Variants in KIF13A observed in about 807,000 individuals in gnomAD.
KIF13A encodes kinesin family member 13A.
KIF13A carries 79 observed loss-of-function variants against 212.2 expected under a neutral mutation model. The ratio of observed to expected loss-of-function variants is 0.37; its 90% CI spans 0.31 to 0.45. The LOEUF is 0.45. Among genes scored for constraint, KIF13A ranks in the 20% least tolerant of loss-of-function variants. The pLI, the probability that KIF13A is intolerant of heterozygous loss-of-function variation, is 1.00. For missense variants in KIF13A, 1,901 were observed against 2,209.0 expected (o/e 0.86, Z 2.79); for synonymous variants, 789 against 808.6 (o/e 0.98, Z 0.41).
chr6:17,957,195 C>T (rs1050294050), intron 2 of KIF13A, among the ~76,000 whole-genome samples: 11 of 152,030 alleles, frequency 7.2e-5, no homozygotes, highest in Admixed American at 5.9e-4. Flanking sequence ...CTTTTTTATG[C>T]CATCCATATT....
chr6:17,863,874 C>T (rs1481911025), intron 4 of KIF13A, among the ~76,000 whole-genome samples: 4 of 152,082 alleles, frequency 2.6e-5, no homozygotes, highest in Non-Finnish European at 5.9e-5. Context: ...TAGGAAAAGA[C>T]GACTTGCCAA....
At chr6:17,761,690 C>G (rs546166827), downstream of KIF13A, among the ~76,000 whole-genome samples, 1 of 150,382 alleles carries the variant, frequency 6.6e-6, no homozygotes, top group South Asian at 2.1e-4. Flanking sequence ...GCTAAAAACT[C>G]TTTAAAGGAG....
intron 2 of KIF13A, among the ~76,000 whole-genome samples, chr6:17,929,245 G>A (rs1359691985): frequency 1.3e-5 from 2 of 151,834 alleles, no homozygotes; most frequent in South Asian, 2.1e-4. Context: ...GGTGGGGGGC[G>A]CATGGGGAGG....
At position 17,987,481 on chromosome 6, in the gene KIF13A, G is replaced by C; in HGVS notation, c.-18C>G. ...TCCGACATGTTGGCTGCGCTCGCCC[G>C]GCCGCTCGCCGCGCCCGCTCGGCCT... is the stretch of plus-strand genomic sequence containing the variant. On this transcript the variant is annotated 5_prime_UTR_variant, in exon 1 of 39. Coordinates refer to ENST00000259711, the MANE Select transcript of KIF13A (RefSeq NM_022113.6). The surrounding 1 kb of genome is among the most constrained non-coding windows in gnomAD (Gnocchi z 7.7). 2 of 1,248,024 alleles carry C rather than the reference G, an allele frequency of 1.6e-6. No homozygotes were observed. The highest frequency in any genetic ancestry group is 2.1e-6 in the Non-Finnish European group (2 of 956,268). 77.3% of individuals were successfully genotyped at this position (1,248,024 alleles called of 1,614,324 possible). A position where few individuals can be genotyped will look rare whatever the true frequency, so the allele number is the denominator to read the frequency against.
chr6:17,968,604 T>G lies in KIF13A; in HGVS notation c.146+18450A>C, dbSNP rs1424702710. On this transcript the variant is annotated intron_variant, in intron 2 of 38. Transcript: ENST00000259711. The surrounding 1 kb of genome is among the most constrained non-coding windows in gnomAD (Gnocchi z 4.7). ...CTGCAGCTAATGCTGCTCCATAGGT[T>G]GTGCAGTGAACATTAAAAATGTGAA... Among the ~76,000 whole-genome samples, 1 of 152,194 alleles carries G rather than the reference T, an allele frequency of 6.6e-6. No individual in the cohort carries two copies.
chr6:17,759,271 T>A (rs1301728876), downstream of KIF13A: 3 of 152,132 alleles, frequency 2.0e-5, no homozygotes, highest in African/African-American at 7.2e-5. Context: ...ACACAGTTTG[T>A]ATTCTAAAAC....
In KIF13A at chr6:17,832,592, T is replaced by A. The variant is rs1315809538; in HGVS notation, c.1267-1357A>T. Among the ~76,000 whole-genome samples, 3 of 151,648 alleles carry A rather than the reference T, an allele frequency of 2.0e-5. No individual in the cohort carries two copies. The East Asian group carries it at 5.8e-4, about 29-fold the overall frequency. On this transcript the variant is annotated intron_variant, in intron 12 of 38. Coordinates refer to ENST00000259711, the MANE Select transcript of KIF13A (RefSeq NM_022113.6). ...GGCGGAGGTTGCAGTGAGCCAAGAT[T>A]GCGCCACTGCATTCCAGCCTGGGTG...
At position 17,789,747 on chromosome 6, in the gene KIF13A, C is replaced by A; in HGVS notation, c.3261+125G>T. On this transcript the variant is annotated intron_variant, in intron 26 of 38. Transcript: ENST00000259711. This position sits in a 1 kb window ranked among gnomAD's most constrained non-coding sequence, Gnocchi z 4.8. ...GAATACATATAAAGCAAATCAAAAGCAAGTGAAAAACTGCATATTCTCGCT... is the reference window on the plus strand; with the variant it reads ...GAATACATATAAAGCAAATCAAAAGAAAGTGAAAAACTGCATATTCTCGCT... 1.5e-6 allele frequency: 1 copy of A among 672,002 alleles called. No homozygotes were observed. Among genetic ancestry groups the A allele is most frequent in the Non-Finnish European group, 2.6e-6 (1 of 390,540 alleles). The allele number at this position is 672,002 out of a possible 1,614,324, so 41.6% of individuals were successfully genotyped here.
At chr6:17,955,753 C>T (rs1413546362) in intron 2 of KIF13A, among the ~76,000 whole-genome samples, 1 of 152,136 alleles carries the variant, frequency 6.6e-6, no homozygotes, top group Admixed American at 6.5e-5. Flanking sequence ...TCTGTGACTC[C>T]TTTCAGAGTC....
intron 9 of KIF13A, among the ~76,000 whole-genome samples, chr6:17,841,886 G>C (rs1006466236): frequency 4.6e-5 from 7 of 151,980 alleles, no homozygotes; most frequent in Non-Finnish European, 1.0e-4. Context: ...AAACCTGTTA[G>C]AAAGTTCAAC....
rs945370369 is a variant in KIF13A at position 17,947,579 on chromosome 6, A to C, written c.146+39475T>G. 2.6e-5 allele frequency among the ~76,000 whole-genome samples: 4 copies of C among 152,200 alleles called. No individual in the cohort carries two copies. Among genetic ancestry groups the C allele is most frequent in the African/African-American group, 9.7e-5 (4 of 41,448 alleles). On this transcript the variant is annotated intron_variant, in intron 2 of 38. Transcript: ENST00000259711. The surrounding 1 kb of genome is among the most constrained non-coding windows in gnomAD (Gnocchi z 4.6). ...CGTGGTAGCTCACGCCTGTAATCCCAGCACTTTGGGAGGCCGAGGTGGGTG... is the reference window on the plus strand; with the variant it reads ...CGTGGTAGCTCACGCCTGTAATCCCCGCACTTTGGGAGGCCGAGGTGGGTG...
In KIF13A at chr6:17,982,123, T is replaced by C. The variant is rs1387694390; in HGVS notation, c.146+4931A>G. 1.3e-5 allele frequency among the ~76,000 whole-genome samples: 2 copies of C among 152,086 alleles called. No individual in the cohort carries two copies. The highest frequency in any genetic ancestry group is 3.9e-4 in the East Asian group (2 of 5,190). ...TTCTTTTTTTTTTTTGAGACAGAGT[T>C]TCACTCTTGTTGCTCAGGCTAGAGT... On this transcript the variant is annotated intron_variant, in intron 2 of 38. Transcript: ENST00000259711. This position sits in a 1 kb window ranked among gnomAD's most constrained non-coding sequence, Gnocchi z 5.1.
intron 35 of KIF13A, among the ~76,000 whole-genome samples, chr6:17,774,711 T>A (rs1419356400): frequency 6.6e-6 from 1 of 151,332 alleles, no homozygotes; most frequent in Non-Finnish European, 1.5e-5. Context: ...AGGTGGAGGT[T>A]GCAGTGAGCC....
chr6:17,773,287 T>A lies in KIF13A; in HGVS notation c.4324+191A>T, dbSNP rs1251932292. On this transcript the variant is annotated intron_variant, in intron 36 of 38. Coordinates refer to ENST00000259711, the MANE Select transcript of KIF13A (RefSeq NM_022113.6). The surrounding 1 kb of genome is among the most constrained non-coding windows in gnomAD (Gnocchi z 4.2). ...AAAGTCTATGATTATTTGGGTGATA[T>A]GTTGGATACAAAACAAAAATAAATC... Among the ~76,000 whole-genome samples, 2 of 152,238 alleles carry A rather than the reference T, an allele frequency of 1.3e-5. No individual in the cohort carries two copies. The highest frequency in any genetic ancestry group is 1.3e-4 in the Admixed American group (2 of 15,286).
intron 6 of KIF13A, 116 bp from the exon 7 acceptor site, chr6:17,852,158 TCCC>T: frequency 2.2e-6 from 1 of 456,442 alleles, no homozygotes; most frequent in African/African-American, 2.0e-5. Context: ...AAATGACTCC[TCCC>T]CCCAACAAAT....
chr6:17,830,041 T>C (rs1416590199), intron 13 of KIF13A, among the ~76,000 whole-genome samples: 1 of 152,146 alleles, frequency 6.6e-6, no homozygotes, highest in African/African-American at 2.4e-5. Context: ...AGAAAGTGTG[T>C]GTATGTGTGA....
At chr6:17,818,778 ATAACTAAC>A (rs1296913089) in intron 16 of KIF13A, among the ~76,000 whole-genome samples, 1 of 152,220 alleles carries the variant, frequency 6.6e-6, no homozygotes, top group Non-Finnish European at 1.5e-5. Context: ...TTTAACTCAG[ATAACTAAC>A]TAATTGGCTG....
Position 17,799,406 on chromosome 6 carries a change from T to G in KIF13A, c.2650A>C (p.Asn884His), listed in dbSNP as rs976895510. 6 of 1,596,582 alleles carry G rather than the reference T, an allele frequency of 3.8e-6. No individual in the cohort carries two copies. Among genetic ancestry groups the G allele is most frequent in the Non-Finnish European group, 5.1e-6 (6 of 1,170,880 alleles). The change falls in exon 22 of 39, where the codon AAC becomes CAC. Residue 884 changes from asparagine to histidine, a missense_variant. By Grantham distance (68) the Asn-to-His change is moderately conservative. This residue lies in a region of KIF13A where 534 missense variants were observed against 536.9 expected (regional missense o/e 0.99). Transcript: ENST00000259711. This position sits in a 1 kb window ranked among gnomAD's most constrained non-coding sequence, Gnocchi z 4.4. ...KIKEATGLPL[N>H]LSNFVFCQYT... ...TGACAGAAGACAAAATTTGAGAGGT[T>G]TAAGGGCAGCCCCGTTGCTTCTTTA...
intron 2 of KIF13A, among the ~76,000 whole-genome samples, chr6:17,964,851 T>C (rs1779154451): frequency 6.6e-6 from 1 of 152,122 alleles, no homozygotes; most frequent in African/African-American, 2.4e-5. Flanking sequence ...TGAGACTGAG[T>C]CTCGCTCTGT....
Sources: allele counts gnomAD v4.1 joint callset (sites outside exome capture counted in the v4.1 genomes callset), GRCh38; gene constraint gnomAD v4.1.1; regional missense constraint gnomAD v4.1.1; non-coding constraint Gnocchi (gnomAD v3.1); transcripts MANE v1.5; gene names NCBI Gene and HGNC (gene_info 2026-07-23, HGNC 2026-07-21).